Variants in CD200R1L observed in about 807,000 individuals in gnomAD.
CD200R1L encodes the protein CD200 receptor 1 like.
CD200R1L carries 14 observed loss-of-function variants against 24.8 expected under a neutral mutation model. The observed-to-expected ratio is 0.56, with a 90% confidence interval of 0.37 to 0.88. CD200R1L has a LOEUF of 0.88. Among genes scored for constraint, CD200R1L ranks in the 40% least tolerant of loss-of-function variants. CD200R1L has a pLI of 0.00. For synonymous variants in CD200R1L, 111 were observed against 109.2 expected (o/e 1.02, Z -0.11); for missense variants, 299 against 297.8 (o/e 1.00, Z -0.03).
intron 3 of CD200R1L, among the ~76,000 whole-genome samples, chr3:112,834,425 G>A (rs1285217519): frequency 1.3e-5 from 2 of 151,888 alleles, no homozygotes; most frequent in Admixed American, 6.6e-5. Flanking sequence ...GTTTCATAGG[G>A]GAGATACTTC....
intron 6 of CD200R1L, among the ~76,000 whole-genome samples, chr3:112,822,548 A>G (rs1388815430): frequency 1.3e-5 from 2 of 152,182 alleles, no homozygotes; most frequent in Non-Finnish European, 2.9e-5. Flanking sequence ...GAGCTGGTGA[A>G]CACACTGAGG....
intron 3 of CD200R1L, among the ~76,000 whole-genome samples, chr3:112,837,197 C>T (rs1352651461): frequency 6.6e-6 from 1 of 151,932 alleles, no homozygotes; most frequent in Non-Finnish European, 1.5e-5. Flanking sequence ...TCTTTGGTTT[C>T]TTGATATTTG....
rs1938495659 is a variant in CD200R1L at position 112,820,005 on chromosome 3, GTCA to G, written c.617-113_617-111del. On this transcript the variant is annotated intron_variant, in intron 6 of 7. Transcript: ENST00000488794. ...AAATATTCTTAAGAGTTCATGGACT[GTCA>G]TAATCATAAAACCTTCTAAATTATG... is the stretch of plus-strand genomic sequence containing the variant. 4 of 972,536 alleles carry G rather than the reference GTCA, an allele frequency of 4.1e-6. No homozygotes were observed. The African/African-American group carries it at 5.1e-5, about 12-fold the overall frequency. 60.2% of individuals were successfully genotyped at this position (972,536 alleles called of 1,614,324 possible).
At chr3:112,833,569 A>G (rs146412563) in intron 3 of CD200R1L, among the ~76,000 whole-genome samples, 2 of 152,344 alleles carry the variant, frequency 1.3e-5, no homozygotes, top group East Asian at 1.9e-4. Context: ...CCAACAAATC[A>G]TAAAGTAAAG....
chr3:112,818,267 T>C (rs1220845226), intron 7 of CD200R1L, among the ~76,000 whole-genome samples: 2 of 152,190 alleles, frequency 1.3e-5, no homozygotes, highest in East Asian at 1.9e-4. Flanking sequence ...CCCTAGAAGA[T>C]ACAAGGATTT....
chr3:112,819,204 G>A (rs897832038), intron 7 of CD200R1L, among the ~76,000 whole-genome samples: 1 of 151,982 alleles, frequency 6.6e-6, no homozygotes, highest in African/African-American at 2.4e-5. Context: ...CCCTCAACAC[G>A]TGGGGATTAC....
At chr3:112,835,165 A>T (rs1302296518) in intron 3 of CD200R1L, among the ~76,000 whole-genome samples, 1 of 152,188 alleles carries the variant, frequency 6.6e-6, no homozygotes, top group East Asian at 1.9e-4. Flanking sequence ...TATGCAGACA[A>T]GTGGAGGGCG....
intron 6 of CD200R1L, among the ~76,000 whole-genome samples, chr3:112,822,177 A>G (rs920155785): frequency 1.3e-5 from 2 of 152,198 alleles, no homozygotes; most frequent in Non-Finnish European, 2.9e-5. Context: ...AGCAATATGT[A>G]TGTATTTGGT....
In CD200R1L at chr3:112,819,783, T is replaced by A. The variant is rs778565051; in HGVS notation, c.729A>T (p.Ile243=). 1.9e-6 allele frequency: 3 copies of A among 1,605,646 alleles called. No homozygotes were observed. The Admixed American group carries it at 5.2e-5, about 28-fold the overall frequency. ...VTTGFVFFQR[I]NHVRKVL is the part of the protein sequence containing the mutation. Reference sequence around the variant, plus strand: ...TCTTCAGTTCCTACCTGACATGATTTATCCTCTGGAAGAAAACAAATCCTG... The same window carrying A: ...TCTTCAGTTCCTACCTGACATGATTAATCCTCTGGAAGAAAACAAATCCTG... Residue 243 remains isoleucine, a synonymous_variant, in exon 7 of 8, where the codon ATA becomes ATT. Coordinates refer to ENST00000488794, the MANE Select transcript of CD200R1L (RefSeq NM_001199215.3).
At chr3:112,825,723 G>A (rs1226866194) in intron 6 of CD200R1L, among the ~76,000 whole-genome samples, 23 of 152,072 alleles carry the variant, frequency 1.5e-4, no homozygotes, top group Admixed American at 1.4e-3. Context: ...CGTGTTTTAT[G>A]AGCAGCTTTA....
intron 2 of CD200R1L, among the ~76,000 whole-genome samples, chr3:112,840,984 A>G (rs1939066876): frequency 6.6e-6 from 1 of 152,124 alleles, no homozygotes; most frequent in South Asian, 2.1e-4. Context: ...TTTCATAACC[A>G]CAGATCTGCT....
At chr3:112,832,440 T>C (rs760513403) in intron 3 of CD200R1L, among the ~76,000 whole-genome samples, 1 of 152,176 alleles carries the variant, frequency 6.6e-6, no homozygotes, top group Non-Finnish European at 1.5e-5. Flanking sequence ...GTAAGTGCTA[T>C]TATAATAGGA....
intron 7 of CD200R1L, among the ~76,000 whole-genome samples, chr3:112,816,334 A>G (rs1480480523): frequency 1.3e-5 from 2 of 152,164 alleles, no homozygotes; most frequent in Admixed American, 1.3e-4. Context: ...CACAGCTCTG[A>G]TCTACATGGT....
chr3:112,832,410 T>C (rs1358719865), intron 3 of CD200R1L, among the ~76,000 whole-genome samples: 1 of 152,214 alleles, frequency 6.6e-6, no homozygotes, highest in African/African-American at 2.4e-5. Context: ...GACCATCTTG[T>C]TGATTCCTTG....
At chr3:112,839,720 G>A (rs546683558) in intron 2 of CD200R1L, among the ~76,000 whole-genome samples, 1 of 152,148 alleles carries the variant, frequency 6.6e-6, no homozygotes, top group Non-Finnish European at 1.5e-5. Context: ...TGAACATATA[G>A]GCAAAAGCTG....
chr3:112,839,683 AG>A (rs1046469705), intron 2 of CD200R1L, among the ~76,000 whole-genome samples: 5 of 152,212 alleles, frequency 3.3e-5, no homozygotes, highest in African/African-American at 1.2e-4. Flanking sequence ...TTGATTGAAA[AG>A]GAAAGGGGTC....
Position 112,815,947 on chromosome 3 carries a change from G to A in CD200R1L, c.*16C>T. The A allele has an allele frequency of 1.3e-6, 1 of 780,466 alleles. No individual in the cohort carries two copies. The highest frequency in any genetic ancestry group is 2.4e-6 in the Non-Finnish European group (1 of 417,758). 48.3% of individuals were successfully genotyped at this position (780,466 alleles called of 1,614,324 possible). On this transcript the variant is annotated 3_prime_UTR_variant, in exon 8 of 8. Transcript: ENST00000488794. The stretch of plus-strand genomic sequence containing the variant: ...GAGACAAGGAGGAGAAGCAAAAGAA[G>A]ACCCTTCCTTCTTCTTTAAAGAACT...
intron 7 of CD200R1L, among the ~76,000 whole-genome samples, chr3:112,816,422 C>T (rs1031679971): frequency 6.6e-6 from 1 of 152,142 alleles, no homozygotes; most frequent in Non-Finnish European, 1.5e-5. Context: ...GACCTGTGCT[C>T]AAAACAGATA....
At chr3:112,831,177 T>C (rs904899500) in intron 3 of CD200R1L, among the ~76,000 whole-genome samples, 1 of 152,246 alleles carries the variant, frequency 6.6e-6, no homozygotes, top group African/African-American at 2.4e-5. Flanking sequence ...GATTTTTGTA[T>C]AATTTTAGTT....
Sources: allele counts gnomAD v4.1 joint callset (sites outside exome capture counted in the v4.1 genomes callset), GRCh38; gene constraint gnomAD v4.1.1; transcripts MANE v1.5; gene names NCBI Gene and HGNC (gene_info 2026-07-23, HGNC 2026-07-21).